The following DLGAP4 variants were observed in gnomAD, a reference collection of about 807,000 sequenced individuals.
DLGAP4 encodes the protein disks large-associated protein 4.
In DLGAP4, 18 loss-of-function variants were observed where a neutral mutation model predicts 86.9. That is an observed-to-expected ratio of 0.21 (90% CI 0.14 to 0.31). DLGAP4 has a LOEUF of 0.31. Ranked by LOEUF, DLGAP4 falls within the 10% of genes least tolerant of loss-of-function variation. The probability of loss-of-function intolerance (pLI) is 1.00; values close to 1 mark genes in which losing one functional copy is unlikely to be tolerated. For synonymous variants in DLGAP4, 548 were observed against 574.3 expected (o/e 0.95, Z 0.65); for missense variants, 1,085 against 1,362.6 (o/e 0.80, Z 3.21).
At chr20:36,326,843 T>G (rs1400872997) in intron 1 of DLGAP4, among the ~76,000 whole-genome samples, 1 of 152,114 alleles carries the variant, frequency 6.6e-6, no homozygotes, top group Admixed American at 6.5e-5. Flanking sequence ...GGGCATGGAA[T>G]TATAAGTTAA....
At chr20:36,517,515 C>T (rs902382325) in intron 10 of DLGAP4, among the ~76,000 whole-genome samples, 1 of 152,122 alleles carries the variant, frequency 6.6e-6, no homozygotes, top group Non-Finnish European at 1.5e-5. Context: ...GATCCGCCCA[C>T]CTCAGCCTCC....
intron 1 of DLGAP4, among the ~76,000 whole-genome samples, chr20:36,346,463 AG>A (rs1555893003): frequency 6.6e-6 from 1 of 152,202 alleles, no homozygotes; most frequent in Admixed American, 6.5e-5. Flanking sequence ...GGCCTGAAAG[AG>A]TGGGACGGAT....
At position 36,483,664 on chromosome 20, in the gene DLGAP4, G is replaced by A. The variant is rs1295665006; in HGVS notation, c.1649-13041G>A. Reference sequence around the variant, plus strand: ...CAGAACCAGACTCAGCCACGCTGGAGAAGTCCTAAGTGGCTGGGAACCCAT... The same window carrying A: ...CAGAACCAGACTCAGCCACGCTGGAAAAGTCCTAAGTGGCTGGGAACCCAT... On this transcript the variant is annotated intron_variant, in intron 7 of 12. Coordinates refer to ENST00000339266, the MANE Select transcript of DLGAP4 (RefSeq NM_001365621.2). Among the ~76,000 whole-genome samples the A allele has an allele frequency of 2.6e-5, 4 of 152,218 alleles. No homozygotes were observed. In the East Asian group the frequency reaches 7.7e-4, roughly 29 times the overall value.
At chr20:36,461,136 G>A (rs1370889511) in intron 7 of DLGAP4, among the ~76,000 whole-genome samples, 3 of 152,104 alleles carry the variant, frequency 2.0e-5, no homozygotes, top group Non-Finnish European at 4.4e-5. Context: ...TCCACCTCCC[G>A]CACAGAGCAT....
At chr20:36,517,566 C>T (rs1244409137) in intron 10 of DLGAP4, among the ~76,000 whole-genome samples, 2 of 152,028 alleles carry the variant, frequency 1.3e-5, no homozygotes, top group African/African-American at 2.4e-5. Context: ...CGTGCCCGGC[C>T]TAGTAGTTTC....
intron 7 of DLGAP4, among the ~76,000 whole-genome samples, chr20:36,478,001 G>A (rs983530815): frequency 6.6e-6 from 1 of 152,164 alleles, no homozygotes. Flanking sequence ...TTGCTTTTCC[G>A]TCTTACTGGA....
intron 2 of DLGAP4, among the ~76,000 whole-genome samples, chr20:36,377,969 C>T (rs1239104914): frequency 1.3e-5 from 2 of 152,214 alleles, no homozygotes; most frequent in Admixed American, 1.3e-4. Context: ...CCCTGCTACT[C>T]CTCGGGCCTG....
rs371690076 is a variant in DLGAP4 at position 36,524,525 on chromosome 20, C to T, written c.2604+184C>T. Among the ~76,000 whole-genome samples the T allele has an allele frequency of 2.6e-5, 4 of 152,172 alleles. No individual in the cohort carries two copies. The East Asian group carries it at 7.7e-4, about 29-fold the overall frequency. On this transcript the variant is annotated intron_variant, in intron 11 of 12. Transcript: ENST00000339266. Reference sequence around the variant, plus strand: ...AGCACAAGAAAGGGGGCAAAAGTGGCCCTATCAGATCTCTAATATCTTTCC... The same window carrying T: ...AGCACAAGAAAGGGGGCAAAAGTGGTCCTATCAGATCTCTAATATCTTTCC...
chr20:36,386,147 C>T (rs1569481360), intron 2 of DLGAP4, among the ~76,000 whole-genome samples: 1 of 152,218 alleles, frequency 6.6e-6, no homozygotes, highest in African/African-American at 2.4e-5. Flanking sequence ...TCCCCTGAAC[C>T]TTTCAGCAGC....
intron 10 of DLGAP4, among the ~76,000 whole-genome samples, chr20:36,519,275 ATC>A (rs2037225643): frequency 6.6e-6 from 1 of 152,152 alleles, no homozygotes; most frequent in African/African-American, 2.4e-5. Flanking sequence ...CAGAGACCCT[ATC>A]TCAAAAACAA....
At chr20:36,502,438 C>T (rs538302212) in intron 10 of DLGAP4, among the ~76,000 whole-genome samples, 17 of 152,340 alleles carry the variant, frequency 1.1e-4, no homozygotes, top group South Asian at 4.1e-4. Flanking sequence ...CAGCCTCAAA[C>T]TCCTGGGCCG....
At chr20:36,322,096 C>G (rs1228953871) in intron 1 of DLGAP4, among the ~76,000 whole-genome samples, 1 of 152,140 alleles carries the variant, frequency 6.6e-6, no homozygotes, top group Non-Finnish European at 1.5e-5. Flanking sequence ...GAACATGGGC[C>G]CTGACTGGAG....
intron 1 of DLGAP4, among the ~76,000 whole-genome samples, chr20:36,365,324 TCTC>T (rs745923139): frequency 2.0e-5 from 3 of 152,242 alleles, no homozygotes; most frequent in Non-Finnish European, 4.4e-5. Context: ...GAACGCATCT[TCTC>T]AAACACCGGT....
Position 36,400,427 on chromosome 20 carries a change from G to C in DLGAP4, c.-72-31219G>C, listed in dbSNP as rs187336430. ...GTCCCAGCATTGTGCTTTACAATAT[G>C]AGTCGTATTATAAATTACTTTCCTT... On this transcript the variant is annotated intron_variant, in intron 2 of 12. Coordinates refer to ENST00000339266, the MANE Select transcript of DLGAP4 (RefSeq NM_001365621.2). Among the ~76,000 whole-genome samples the C allele has an allele frequency of 3.1e-4, 47 of 152,316 alleles. No individual in the cohort carries two copies. The East Asian group carries it at 6.5e-3, about 21-fold the overall frequency.
At chr20:36,413,083 G>A (rs1217645426) in intron 2 of DLGAP4, among the ~76,000 whole-genome samples, 1 of 149,882 alleles carries the variant, frequency 6.7e-6, no homozygotes. Context: ...GGGTTTAAGC[G>A]ATTCTTGTGC....
chr20:36,432,044 G>A lies in DLGAP4; in HGVS notation c.327G>A (p.Glu109=), dbSNP rs1319789510. 1 of 1,614,034 alleles carries A rather than the reference G, an allele frequency of 6.2e-7. No homozygotes were observed. Among genetic ancestry groups the A allele is most frequent in the Non-Finnish European group, 8.5e-7 (1 of 1,180,048 alleles). The change falls in exon 3 of 13, where the codon GAG becomes GAA. Residue 109 remains glutamate, a synonymous_variant. Transcript: ENST00000339266. This position sits in a 1 kb window ranked among gnomAD's most constrained non-coding sequence, Gnocchi z 6.5. The part of the protein sequence containing the change: ...RLPANLLDQF[E]KQLPIHRDGF... ...CCGCCAACCTCCTGGACCAGTTTGA[G>A]AAGCAGCTGCCCATCCACCGTGATG...
intron 1 of DLGAP4, among the ~76,000 whole-genome samples, chr20:36,361,780 C>G (rs2030529177): frequency 6.6e-6 from 1 of 151,708 alleles, no homozygotes; most frequent in South Asian, 2.1e-4. Context: ...CGAAACCAGC[C>G]TGGACAACAT....
intron 10 of DLGAP4, among the ~76,000 whole-genome samples, chr20:36,516,424 T>G (rs1445142945): frequency 1.3e-5 from 2 of 152,134 alleles, no homozygotes; most frequent in Non-Finnish European, 2.9e-5. Context: ...CCCAGCACTT[T>G]GGGAGCCGAG....
chr20:36,486,907 C>T (rs558222974), intron 7 of DLGAP4, among the ~76,000 whole-genome samples: 24 of 152,262 alleles, frequency 1.6e-4, no homozygotes, highest in African/African-American at 5.3e-4. Flanking sequence ...CCACCTCACC[C>T]GGCCTGGAAT....
Sources: allele counts gnomAD v4.1 joint callset (sites outside exome capture counted in the v4.1 genomes callset), GRCh38; gene constraint gnomAD v4.1.1; non-coding constraint Gnocchi (gnomAD v3.1); transcripts MANE v1.5; gene names NCBI Gene and HGNC (gene_info 2026-07-23, HGNC 2026-07-21).